The following MATK variants were observed in gnomAD, a reference collection of about 807,000 sequenced individuals.
MATK encodes the protein megakaryocyte-associated tyrosine-protein kinase.
Under a neutral mutation model 59.8 loss-of-function variants are expected in MATK, and 41 were observed. The ratio of observed to expected loss-of-function variants is 0.69; its 90% confidence interval spans 0.53 to 0.89. The LOEUF (loss-of-function observed/expected upper bound fraction) is 0.89. Ranked by LOEUF, MATK falls within the 40% of genes least tolerant of loss-of-function variation. MATK has a pLI of 0.00. For missense variants in MATK, 593 were observed against 719.6 expected (o/e 0.82, Z 2.01); for synonymous variants, 308 against 306.1 (o/e 1.01, Z -0.06).
Position 3,778,178 on chromosome 19 carries a change from TG to T in MATK, c.*4del. ...CTCTGGGGCCAAGGGCCCCACCGGG[TG>T]GGGTCAGGGCTCCTGGCTTCGGGGC... On this transcript the variant is annotated 3_prime_UTR_variant, in exon 14 of 14. Coordinates refer to ENST00000310132, the MANE Select transcript of MATK (RefSeq NM_139355.3). 6.5e-7 allele frequency: 1 copy of T among 1,550,278 alleles called. No homozygotes were observed.
intron 1 of MATK, among the ~76,000 whole-genome samples, chr19:3,793,762 G>T (rs867724124): frequency 2.6e-5 from 4 of 152,130 alleles, no homozygotes; most frequent in African/African-American, 9.6e-5. Flanking sequence ...CCAGCTACTC[G>T]GGAAGCTGAG....
intron 1 of MATK, among the ~76,000 whole-genome samples, chr19:3,794,163 T>C (rs1285270594): frequency 6.6e-6 from 1 of 152,208 alleles, no homozygotes; most frequent in Non-Finnish European, 1.5e-5. Flanking sequence ...CACCCTTAGT[T>C]ACTCTCTATT....
intron 1 of MATK, among the ~76,000 whole-genome samples, chr19:3,798,309 G>A (rs1310352626): frequency 1.3e-5 from 2 of 150,694 alleles, no homozygotes; most frequent in African/African-American, 2.4e-5. Flanking sequence ...TTATGATGGA[G>A]TGCTACAGAG....
chr19:3,799,744 G>T (rs553502900), intron 1 of MATK, among the ~76,000 whole-genome samples: 112 of 152,240 alleles, frequency 7.4e-4, no homozygotes, highest in Non-Finnish European at 1.3e-3. Context: ...GGGAGGCTGA[G>T]GCAGGAGAAT....
chr19:3,779,254 C>T (rs901738052), intron 11 of MATK, 67 bp from the exon 12 acceptor site: 16 of 1,543,866 alleles, frequency 1.0e-5, no homozygotes, highest in African/African-American at 5.4e-5. Flanking sequence ...TCAGAAAGCT[C>T]GGGGTGCCTG....
chr19:3,789,406 T>A, upstream of MATK: 1 of 682,620 alleles, frequency 1.5e-6, no homozygotes, highest in East Asian at 2.6e-5. Context: ...TTCCTCTCTC[T>A]GCAAATCAAT....
intron 1 of MATK, among the ~76,000 whole-genome samples, chr19:3,797,718 C>A (rs907614889): frequency 6.6e-6 from 1 of 151,860 alleles, no homozygotes; most frequent in Non-Finnish European, 1.5e-5. Flanking sequence ...ATAGTGAGAC[C>A]CCAATCTCCA....
intron 3 of MATK, 186 bp downstream of exon 3, chr19:3,784,639 A>G (rs2037453522): frequency 4.5e-6 from 3 of 661,038 alleles, no homozygotes; most frequent in Non-Finnish European, 8.1e-6. Context: ...GAGAAATCGT[A>G]GAGTCACAAA....
Position 3,784,515 on chromosome 19 carries a change from C to G in MATK, c.133-64G>C, listed in dbSNP as rs776254579. 10 of 1,174,432 alleles carry G rather than the reference C, an allele frequency of 8.5e-6. No individual in the cohort carries two copies. In the African/African-American group the frequency reaches 1.4e-4, roughly 16 times the overall value. The allele number at this position is 1,174,432 out of a possible 1,614,324, so 72.8% of individuals were successfully genotyped here. A position where few individuals can be genotyped will look rare whatever the true frequency, so the allele number is the denominator to read the frequency against. ...CACGGAGATGTGGGGAGCAGAGGCA[C>G]GGGAGGGGAAAGAGGACAGGAGGGA... On this transcript the variant is annotated intron_variant, in intron 3 of 13. Transcript: ENST00000310132.
At chr19:3,800,178 T>C (rs941000207) in intron 1 of MATK, among the ~76,000 whole-genome samples, 11 of 146,058 alleles carry the variant, frequency 7.5e-5, no homozygotes, top group Non-Finnish European at 1.2e-4. Context: ...AAAAGAAAAA[T>C]AAAATGTGTC....
intron 7 of MATK, among the ~76,000 whole-genome samples, 182 bp from the exon 8 acceptor site, chr19:3,781,854 C>A (rs1171356298): frequency 6.6e-6 from 1 of 152,172 alleles, no homozygotes; most frequent in Admixed American, 6.5e-5. Flanking sequence ...CTCCTGGTAC[C>A]AATTATTGTT....
At chr19:3,791,791 G>A (rs1190780504) in intron 1 of MATK, among the ~76,000 whole-genome samples, 1 of 152,034 alleles carries the variant, frequency 6.6e-6, no homozygotes, top group Non-Finnish European at 1.5e-5. Flanking sequence ...AGATCACTGA[G>A]ACCAGTCTTC....
intron 1 of MATK, among the ~76,000 whole-genome samples, chr19:3,796,330 T>TG (rs2037594264): frequency 6.6e-6 from 1 of 152,166 alleles, no homozygotes; most frequent in Non-Finnish European, 1.5e-5. Context: ...TTCCAAGTAA[T>TG]GTGTTTTACA....
chr19:3,787,703 AG>A (rs2037501204), upstream of MATK: 1 of 151,978 alleles, frequency 6.6e-6, no homozygotes, highest in Non-Finnish European at 1.5e-5. Flanking sequence ...ATCCTTTCTA[AG>A]GGATGAGTCC....
At chr19:3,800,921 C>A (rs920864885) in intron 1 of MATK, among the ~76,000 whole-genome samples, 1 of 152,038 alleles carries the variant, frequency 6.6e-6, no homozygotes, top group Non-Finnish European at 1.5e-5. Flanking sequence ...AGTGCAGTGG[C>A]GCAATCTCGG....
intron 1 of MATK, among the ~76,000 whole-genome samples, chr19:3,796,689 G>A (rs2037598011): frequency 6.6e-6 from 1 of 152,022 alleles, no homozygotes; most frequent in South Asian, 2.1e-4. Flanking sequence ...CTCTTCTTCG[G>A]CACAAGGGGA....
chr19:3,784,447 C>A lies in MATK; in HGVS notation c.137G>T (p.Arg46Leu). 1.9e-6 allele frequency: 3 copies of A among 1,592,412 alleles called. No homozygotes were observed. Among genetic ancestry groups the A allele is most frequent in the Non-Finnish European group, 2.6e-6 (3 of 1,172,998 alleles). The change falls in exon 4 of 14, where the codon CGC becomes CTC. Residue 46 changes from arginine to leucine, a missense_variant. Transcript: ENST00000310132. The part of the protein sequence containing the change: ...PPVSARMPTR[R>L]WAPGTQCITK... Reference sequence around the variant, plus strand: ...GATACACTGGGTGCCCGGGGCCCAGCGCCTCTGCAGAGGGGGCCGGGAGAG... The same window carrying A: ...GATACACTGGGTGCCCGGGGCCCAGAGCCTCTGCAGAGGGGGCCGGGAGAG...
At chr19:3,782,319 G>A (rs1045780774) in intron 7 of MATK, among the ~76,000 whole-genome samples, 8 of 152,144 alleles carry the variant, frequency 5.3e-5, no homozygotes, top group Non-Finnish European at 7.3e-5. Flanking sequence ...CAAATGCCAC[G>A]GTCTTAAGAG....
Position 3,779,429 on chromosome 19 carries a change from C to A in MATK, c.950G>T (p.Arg317Leu). 6.2e-7 allele frequency: 1 copy of A among 1,613,280 alleles called. No homozygotes were observed. The change falls in exon 11 of 14, where the codon CGG becomes CTG. Residue 317 changes from arginine (R) to leucine (L), a missense_variant. Arg to Leu is a moderately radical substitution (Grantham distance 102). Coordinates refer to ENST00000310132, the MANE Select transcript of MATK (RefSeq NM_139355.3). ...VSKGNLVNFL[R>L]TRGRALVNTA... Reference sequence around the variant, plus strand: ...GTTCACGAGGGCTCGACCCCGGGTCCGCAGAAAGTTCACCAGGTTGCCCTG... The same window carrying A: ...GTTCACGAGGGCTCGACCCCGGGTCAGCAGAAAGTTCACCAGGTTGCCCTG...
Sources: allele counts gnomAD v4.1 joint callset (sites outside exome capture counted in the v4.1 genomes callset), GRCh38; gene constraint gnomAD v4.1.1; transcripts MANE v1.5; gene names NCBI Gene and HGNC (gene_info 2026-07-23, HGNC 2026-07-21).